CKAP5: variants seen among roughly 807,000 people sequenced by gnomAD.
CKAP5 encodes cytoskeleton associated protein 5.
In CKAP5, 27 loss-of-function variants were observed where a neutral mutation model predicts 232.8. The observed-to-expected ratio is 0.12, with a 90% confidence interval of 0.09 to 0.16. The LOEUF is 0.16. Among genes scored for constraint, CKAP5 ranks in the 10% least tolerant of loss-of-function variants. CKAP5 has a pLI of 1.00. For missense variants in CKAP5, 1,838 were observed against 2,424.7 expected, an observed-to-expected ratio of 0.76 and a Z score of 5.08; for synonymous variants, 785 against 841.1, an observed-to-expected ratio of 0.93 and a Z score of 1.16.
intron 8 of CKAP5, among the ~76,000 whole-genome samples, chr11:46,804,276 C>T (rs1939103213): frequency 6.6e-6 from 1 of 152,138 alleles, no homozygotes; most frequent in Non-Finnish European, 1.5e-5. Context: ...ATAATACCTG[C>T]CTGTCACACT....
intron 24 of CKAP5, among the ~76,000 whole-genome samples, chr11:46,775,311 T>A (rs1256263599): frequency 2.0e-5 from 3 of 151,902 alleles, no homozygotes; most frequent in Admixed American, 2.0e-4. Flanking sequence ...AGAATGGCGA[T>A]CATTAAAACA....
chr11:46,789,811 A>G (rs2095981094), intron 15 of CKAP5, among the ~76,000 whole-genome samples: 1 of 152,180 alleles, frequency 6.6e-6, no homozygotes, highest in Admixed American at 6.6e-5. Flanking sequence ...ATAAAAAAAT[A>G]ATCTAAGCCT....
At chr11:46,773,151 G>A (rs2065262080) in intron 24 of CKAP5, among the ~76,000 whole-genome samples, 2 of 152,080 alleles carry the variant, frequency 1.3e-5, no homozygotes, top group African/African-American at 2.4e-5. Context: ...AATCATGAAT[G>A]CATGTTGGAT....
intron 1 of CKAP5, among the ~76,000 whole-genome samples, chr11:46,843,837 G>T (rs1940116670): frequency 6.6e-6 from 1 of 152,060 alleles, no homozygotes; most frequent in African/African-American, 2.4e-5. Context: ...ATTAGGAATG[G>T]ATATTATGTC....
chr11:46,831,141 C>T (rs565467305), intron 1 of CKAP5, among the ~76,000 whole-genome samples: 1 of 152,180 alleles, frequency 6.6e-6, no homozygotes, highest in East Asian at 1.9e-4. Flanking sequence ...TTTGAAAAAA[C>T]TTTTACTTTG....
chr11:46,839,494 C>A (rs185884479), intron 1 of CKAP5, among the ~76,000 whole-genome samples: 7 of 152,264 alleles, frequency 4.6e-5, no homozygotes, highest in East Asian at 1.9e-4. Context: ...AATTTTTATG[C>A]GTCCCTTTAG....
In CKAP5 at chr11:46,784,442, G is replaced by A. The variant is rs1565733900; in HGVS notation, c.2154+46C>T. 6 of 1,477,704 alleles carry A rather than the reference G, an allele frequency of 4.1e-6. No individual in the cohort carries two copies. In the South Asian group the frequency reaches 5.0e-5, roughly 12 times the overall value. 91.5% of individuals were successfully genotyped at this position (1,477,704 alleles called of 1,614,324 possible). ...TAATTAGTAAGCTTAAAGTTTGGGG[G>A]AAAAAATTGGGAAAACTAGAGGAAT... On this transcript the variant is annotated intron_variant, in intron 17 of 43. Transcript: ENST00000529230.
chr11:46,827,752 T>A (rs947156908), intron 1 of CKAP5, among the ~76,000 whole-genome samples: 1 of 152,268 alleles, frequency 6.6e-6, no homozygotes, highest in Non-Finnish European at 1.5e-5. Context: ...AATACAATTG[T>A]AATGTGCAAT....
chr11:46,811,273 T>C (rs1939268613), intron 4 of CKAP5, 95 bp from the exon 5 acceptor site: 1 of 977,256 alleles, frequency 1.0e-6, no homozygotes, highest in Non-Finnish European at 1.5e-6. Flanking sequence ...CATATCTACA[T>C]ATTAGAAGAA....
chr11:46,752,156 C>A (rs1399618541), intron 38 of CKAP5, among the ~76,000 whole-genome samples: 3 of 73,188 alleles, frequency 4.1e-5, no homozygotes, highest in Admixed American at 1.8e-4. Flanking sequence ...AACTGAAGAC[C>A]AATTCATATA....
At chr11:46,807,542 A>G (rs893270397) in intron 8 of CKAP5, among the ~76,000 whole-genome samples, 3 of 152,242 alleles carry the variant, frequency 2.0e-5, no homozygotes, top group Non-Finnish European at 4.4e-5. Context: ...GTCCACCAGC[A>G]GCATTCAACT....
chr11:46,838,420 T>C (rs1939966092), intron 1 of CKAP5, among the ~76,000 whole-genome samples: 1 of 151,786 alleles, frequency 6.6e-6, no homozygotes, highest in African/African-American at 2.4e-5. Context: ...GAGGATTGTT[T>C]GAGGCCAGGA....
chr11:46,785,522 G>A (rs949057342), intron 16 of CKAP5, among the ~76,000 whole-genome samples: 1 of 152,130 alleles, frequency 6.6e-6, no homozygotes, highest in African/African-American at 2.4e-5. Context: ...TAGAGATGAG[G>A]TTTCACCATG....
intron 24 of CKAP5, among the ~76,000 whole-genome samples, chr11:46,774,237 CAGAG>C (rs1262608324): frequency 1.3e-5 from 2 of 152,138 alleles, no homozygotes; most frequent in Admixed American, 6.5e-5. Flanking sequence ...AATGGACAAA[CAGAG>C]AGCCAAATCA....
Position 46,762,021 on chromosome 11 carries a change from C to G in CKAP5, c.4200G>C (p.Gln1400His). 1 of 1,612,922 alleles carries G rather than the reference C, an allele frequency of 6.2e-7. No individual in the cohort carries two copies. The highest frequency in any genetic ancestry group is 8.5e-7 in the Non-Finnish European group (1 of 1,179,398). ...IVTVYNVHGD[Q>H]VFKLIGNLSE... ...TCACATTTCCAATCAGTTTGAACACCTGATCCCCATGTACATTGTACACCG... is the reference window on the plus strand; with the variant it reads ...TCACATTTCCAATCAGTTTGAACACGTGATCCCCATGTACATTGTACACCG... Residue 1400 changes from glutamine to histidine, a missense_variant, in exon 32 of 44, where the codon CAG becomes CAC. By Grantham distance (24) the Gln-to-His change is conservative. Transcript: ENST00000529230.
In CKAP5 at chr11:46,743,823, T is replaced by A; in HGVS notation, c.*200A>T. ...GTACACTAAACTCATCCACGGACAG[T>A]CTTCTAGAGCAGCAGGACGCTGACA... is the stretch of plus-strand genomic sequence containing the variant. On this transcript the variant is annotated 3_prime_UTR_variant, in exon 44 of 44. Transcript: ENST00000529230. 1.6e-6 allele frequency: 1 copy of A among 638,028 alleles called. No homozygotes were observed. The allele number at this position is 638,028 out of a possible 1,614,324, so 39.5% of individuals were successfully genotyped here. A position where few individuals can be genotyped will look rare whatever the true frequency, so the allele number is the denominator to read the frequency against.
intron 18 of CKAP5, among the ~76,000 whole-genome samples, chr11:46,782,138 G>C (rs1424079665): frequency 1.3e-5 from 2 of 151,896 alleles, no homozygotes; most frequent in Non-Finnish European, 2.9e-5. Context: ...CTGCCTCTCT[G>C]TCTCTGTCTC....
chr11:46,810,799 A>T (rs1939257690), intron 5 of CKAP5, among the ~76,000 whole-genome samples: 1 of 152,202 alleles, frequency 6.6e-6, no homozygotes, highest in Non-Finnish European at 1.5e-5. Flanking sequence ...CAATTGTAAT[A>T]AAAAGCCAGA....
At chr11:46,759,880 G>T (rs937755286) in intron 33 of CKAP5, among the ~76,000 whole-genome samples, 1 of 152,092 alleles carries the variant, frequency 6.6e-6, no homozygotes, top group African/African-American at 2.4e-5. Flanking sequence ...ACCATTCCAT[G>T]CCGTGTTCAG....
Sources: gnomAD v4.1 joint callset for allele counts (sites outside exome capture counted in the v4.1 genomes callset) on GRCh38, gnomAD v4.1.1 for gene constraint, MANE v1.5 for transcripts, NCBI Gene and HGNC (gene_info 2026-07-23, HGNC 2026-07-21) for gene names.